ITGA8: variants seen among roughly 807,000 people sequenced by gnomAD.
ITGA8 encodes integrin subunit alpha 8.
In ITGA8, 91 loss-of-function variants were observed where a neutral mutation model predicts 142.3. That is an observed-to-expected ratio of 0.64 (90% CI 0.54 to 0.76). ITGA8 has a LOEUF of 0.76. ITGA8 is among the 30% of genes least tolerant of loss of function. ITGA8 has a pLI of 0.00. For synonymous variants in ITGA8, 505 were observed against 485.2 expected, an observed-to-expected ratio of 1.04 and a Z score of -0.54; for missense variants, 1,406 against 1,327.7, an observed-to-expected ratio of 1.06 and a Z score of -0.92.
intron 8 of ITGA8, among the ~76,000 whole-genome samples, chr10:15,668,297 C>T (rs1347015017): frequency 1.3e-5 from 2 of 151,828 alleles, no homozygotes; most frequent in East Asian, 3.9e-4. Flanking sequence ...CTCTTTTGAT[C>T]TTTGTTGGTT....
At chr10:15,555,771 C>T (rs1372323169) in intron 26 of ITGA8, among the ~76,000 whole-genome samples, 2 of 151,578 alleles carry the variant, frequency 1.3e-5, no homozygotes, top group Non-Finnish European at 2.9e-5. Context: ...TCTCGGCTCA[C>T]TGCAAGCTCC....
At chr10:15,672,926 A>G (rs1011420978) in intron 6 of ITGA8, among the ~76,000 whole-genome samples, 177 bp from the exon 7 acceptor site, 5 of 152,190 alleles carry the variant, frequency 3.3e-5, no homozygotes, top group African/African-American at 9.7e-5. Flanking sequence ...AGAACTTTCC[A>G]TTCTGACAGA....
intron 3 of ITGA8, among the ~76,000 whole-genome samples, chr10:15,684,534 T>C (rs1490807160): frequency 6.6e-6 from 1 of 151,848 alleles, no homozygotes; most frequent in African/African-American, 2.4e-5. Context: ...GCCTGGCTAA[T>C]TTGTTTTGTT....
chr10:15,706,049 A>G (rs1279616896), intron 2 of ITGA8, among the ~76,000 whole-genome samples: 1 of 152,124 alleles, frequency 6.6e-6, no homozygotes, highest in Non-Finnish European at 1.5e-5. Flanking sequence ...GTATTCAGAC[A>G]TCTTGCCTGA....
intron 27 of ITGA8, among the ~76,000 whole-genome samples, chr10:15,535,542 C>G (rs1833412849): frequency 6.6e-6 from 1 of 152,132 alleles, no homozygotes; most frequent in Admixed American, 6.5e-5. Context: ...TGCACCAATC[C>G]ACACTCTGTA....
chr10:15,566,149 C>T (rs753271512), intron 25 of ITGA8, among the ~76,000 whole-genome samples: 52 of 152,110 alleles, frequency 3.4e-4, no homozygotes, highest in Non-Finnish European at 6.0e-4. Context: ...AAAGAACGGA[C>T]GGTTTCTGTG....
intron 13 of ITGA8, among the ~76,000 whole-genome samples, chr10:15,643,564 G>A (rs984478234): frequency 1.3e-5 from 2 of 152,178 alleles, no homozygotes; most frequent in African/African-American, 2.4e-5. Context: ...TTACAGGCAT[G>A]AGCCACCATG....
At chr10:15,541,484 T>A (rs557304796) in intron 27 of ITGA8, among the ~76,000 whole-genome samples, 32 of 152,358 alleles carry the variant, frequency 2.1e-4, no homozygotes, top group Non-Finnish European at 3.1e-4. Flanking sequence ...TGCTGCTTCC[T>A]GAGCTACTCG....
intron 20 of ITGA8, among the ~76,000 whole-genome samples, chr10:15,599,132 T>C (rs896425062): frequency 3.3e-5 from 5 of 152,060 alleles, no homozygotes; most frequent in African/African-American, 1.2e-4. Context: ...ATATGTACAG[T>C]TTTTCCCCAG....
intron 11 of ITGA8, among the ~76,000 whole-genome samples, chr10:15,650,031 C>T (rs773104447): frequency 1.3e-4 from 20 of 152,104 alleles, no homozygotes; most frequent in Non-Finnish European, 4.4e-5. Flanking sequence ...TGGAAGCAAC[C>T]AAGATACTCT....
intron 13 of ITGA8, among the ~76,000 whole-genome samples, chr10:15,617,539 C>T (rs1833416807): frequency 1.3e-5 from 2 of 152,262 alleles, no homozygotes; most frequent in Non-Finnish European, 2.9e-5. Flanking sequence ...GCTGGGACTA[C>T]AGGCACCTGC....
Position 15,718,903 on chromosome 10 carries a change from C to A in ITGA8, c.210-4G>T. ...CGCCCCCACCAAGACACTCGCTCTG[C>A]AAAAGAGTTGGAGAAAGTCACTCTT... On this transcript the variant is annotated splice_region_variant and splice_polypyrimidine_tract_variant and intron_variant, in intron 1 of 29. Coordinates refer to ENST00000378076, the MANE Select transcript of ITGA8 (RefSeq NM_003638.3). 1 of 1,613,992 alleles carries A rather than the reference C, an allele frequency of 6.2e-7. No individual in the cohort carries two copies. Among genetic ancestry groups the A allele is most frequent in the Non-Finnish European group, 8.5e-7 (1 of 1,180,012 alleles).
chr10:15,694,842 C>G (rs1835022534), intron 2 of ITGA8, among the ~76,000 whole-genome samples: 1 of 151,320 alleles, frequency 6.6e-6, no homozygotes, highest in South Asian at 2.1e-4. Flanking sequence ...TGACACCTCA[C>G]AACATTGTCA....
chr10:15,701,330 C>T (rs1418321496), intron 2 of ITGA8, among the ~76,000 whole-genome samples: 3 of 152,126 alleles, frequency 2.0e-5, no homozygotes, highest in African/African-American at 7.2e-5. Flanking sequence ...AGTATTAGTA[C>T]ATCTGTGATC....
At chr10:15,675,718 A>T (rs775856462) in intron 6 of ITGA8, among the ~76,000 whole-genome samples, 19 of 152,170 alleles carry the variant, frequency 1.2e-4, no homozygotes, top group Non-Finnish European at 2.4e-4. Flanking sequence ...CACTACACTC[A>T]GGACAAACAA....
intron 13 of ITGA8, among the ~76,000 whole-genome samples, chr10:15,641,704 C>T (rs953370728): frequency 2.6e-5 from 4 of 152,108 alleles, no homozygotes; most frequent in African/African-American, 9.7e-5. Flanking sequence ...TAGTAAAGAA[C>T]ATTTACTTCA....
rs1564388913 is a variant in ITGA8 at position 15,644,472 on chromosome 10, AT to A, written c.1208-252del. Among the ~76,000 whole-genome samples the A allele has an allele frequency of 7.6e-3, 124 of 16,310 alleles. 11 individuals carry two copies. Among genetic ancestry groups the A allele is most frequent in the East Asian group, 0.03 (7 of 236 alleles). 10.7% of individuals were successfully genotyped at this position (16,310 alleles called of 152,430 possible). A position where few individuals can be genotyped will look rare whatever the true frequency, so the allele number is the denominator to read the frequency against. On this transcript the variant is annotated intron_variant, in intron 12 of 29. Transcript: ENST00000378076. ...TATATATATATATATATATATATATATATATATATATATATATATAGAATTT... is the reference window on the plus strand; with the variant it reads ...TATATATATATATATATATATATATAATATATATATATATATATAGAATTT...
chr10:15,629,565 C>T (rs1306691173), intron 13 of ITGA8, among the ~76,000 whole-genome samples: 1 of 152,070 alleles, frequency 6.6e-6, no homozygotes, highest in Non-Finnish European at 1.5e-5. Context: ...TCCCTACCCT[C>T]CTCTTAAATG....
chr10:15,675,101 C>A (rs1010751622), intron 6 of ITGA8, among the ~76,000 whole-genome samples: 1 of 152,106 alleles, frequency 6.6e-6, no homozygotes, highest in Non-Finnish European at 1.5e-5. Context: ...TCTCAGTATT[C>A]TCTCTCTAGG....
Sources: allele counts gnomAD v4.1 joint callset (sites outside exome capture counted in the v4.1 genomes callset), GRCh38; gene constraint gnomAD v4.1.1; transcripts MANE v1.5; gene names NCBI Gene and HGNC (gene_info 2026-07-23, HGNC 2026-07-21).